The following TRAF5 variants were observed in gnomAD, a reference collection of about 807,000 sequenced individuals.
TRAF5 encodes the protein TNF receptor associated factor 5.
A neutral mutation model predicts 64.5 loss-of-function variants in TRAF5; 48 were observed. That is an observed-to-expected ratio of 0.74 (90% CI 0.59 to 0.95). The LOEUF is 0.95. Ranked by LOEUF, TRAF5 falls within the 40% of genes least tolerant of loss-of-function variation. TRAF5 has a pLI of 0.00. For synonymous variants in TRAF5, 206 were observed against 240.5 expected, an observed-to-expected ratio of 0.86 and a Z score of 1.33; for missense variants, 545 against 662.8, an observed-to-expected ratio of 0.82 and a Z score of 1.95.
At chr1:211,337,909 A>G (rs2102717715) in intron 1 of TRAF5, among the ~76,000 whole-genome samples, 1 of 152,336 alleles carries the variant, frequency 6.6e-6, no homozygotes, top group East Asian at 1.9e-4. Context: ...GGCATAGACT[A>G]AACAGTGGAG....
intron 3 of TRAF5, among the ~76,000 whole-genome samples, chr1:211,355,908 AAC>A (rs1398907793): frequency 1.3e-5 from 2 of 152,242 alleles, no homozygotes; most frequent in African/African-American, 4.8e-5. Context: ...GAAATGTGGC[AAC>A]AGAGATGATC....
intron 1 of TRAF5, among the ~76,000 whole-genome samples, chr1:211,336,848 C>T (rs550607721): frequency 1.3e-5 from 2 of 152,188 alleles, no homozygotes; most frequent in South Asian, 2.1e-4. Flanking sequence ...TTGGTAGAGA[C>T]GGGTTTCACC....
Position 211,369,538 on chromosome 1 carries a change from CA to C in TRAF5, c.878del (p.Lys293SerfsTer30). On this transcript the variant is annotated frameshift_variant, in exon 9 of 11. Transcript: ENST00000261464. LOFTEE classifies it high-confidence loss of function. ...CTATAAAGAAACTTGAAAAGGAGTT[CA>C]AGCAGTTTGCACAGTTGTTTGGCAA... ...ETIKKLEKEF[K>X]QFAQLFGKNG... The C allele has an allele frequency of 6.2e-7, 1 of 1,610,936 alleles. No homozygotes were observed. Among genetic ancestry groups the C allele is most frequent in the Non-Finnish European group, 8.5e-7 (1 of 1,178,872 alleles).
intron 1 of TRAF5, among the ~76,000 whole-genome samples, chr1:211,330,382 T>C (rs1397932740): frequency 6.6e-6 from 1 of 150,706 alleles, no homozygotes; most frequent in East Asian, 1.9e-4. Flanking sequence ...TTTTTTTTTT[T>C]CTCTCAAGGA....
rs369475274 is a variant in TRAF5 at position 211,372,201 on chromosome 1, A to G, written c.1173A>G (p.Glu391=). ...ATAAAGCACAGCTGAGTAAAAATGA[A>G]GAGCGATTTAAACTGCTGGAGGGTA... ...NIHKAQLSKN[E]ERFKLLEGTC... The change falls in exon 11 of 11, where the codon GAA becomes GAG. Residue 391 remains glutamate (E), a synonymous_variant. Coordinates refer to ENST00000261464, the MANE Select transcript of TRAF5 (RefSeq NM_001033910.3). 2.6e-5 allele frequency: 42 copies of G among 1,613,958 alleles called. No homozygotes were observed. The highest frequency in any genetic ancestry group is 3.6e-5 in the Non-Finnish European group (42 of 1,180,014).
intron 1 of TRAF5, among the ~76,000 whole-genome samples, chr1:211,350,492 A>T (rs1380058834): frequency 6.6e-6 from 1 of 152,050 alleles, no homozygotes; most frequent in Non-Finnish European, 1.5e-5. Flanking sequence ...GGGAGGATAC[A>T]GTCTTGAGCC....
intron 1 of TRAF5, among the ~76,000 whole-genome samples, chr1:211,331,033 T>G (rs1702142467): frequency 1.3e-5 from 2 of 152,368 alleles, no homozygotes; most frequent in Non-Finnish European, 2.9e-5. Flanking sequence ...CTTAGACATT[T>G]GTCCGAGGCC....
intron 4 of TRAF5, chr1:211,357,581 C>A (rs1703006991): frequency 6.6e-6 from 1 of 151,900 alleles, no homozygotes; most frequent in Non-Finnish European, 1.5e-5. Context: ...CCCCTCATTC[C>A]TTGTTTCCCA....
chr1:211,369,085 C>G (rs1395745661), intron 8 of TRAF5: 1 of 155,194 alleles, frequency 6.4e-6, no homozygotes, highest in Non-Finnish European at 1.4e-5. Context: ...TCCTCCCCAT[C>G]AGCTTCCCAG....
intron 3 of TRAF5, 134 bp downstream of exon 3, chr1:211,354,601 G>A (rs1702903298): frequency 1.1e-6 from 1 of 877,520 alleles, no homozygotes; most frequent in East Asian, 2.6e-5. Context: ...CTGCTGTGGG[G>A]TCACATCAGA....
Position 211,371,283 on chromosome 1 carries a change from A to G in TRAF5, c.931-19A>G. On this transcript the variant is annotated intron_variant, in intron 9 of 10. Coordinates refer to ENST00000261464, the MANE Select transcript of TRAF5 (RefSeq NM_001033910.3). ...ATTAACTAATTTTTTAAACATGATT[A>G]TCCATTTTGTAATGAAAGGTTTTTG... The G allele has an allele frequency of 6.4e-7, 1 of 1,563,918 alleles. No individual in the cohort carries two copies. The highest frequency in any genetic ancestry group is 8.6e-7 in the Non-Finnish European group (1 of 1,163,494).
At chr1:211,354,226 CTG>C (rs920227869) in intron 2 of TRAF5, among the ~76,000 whole-genome samples, 182 bp from the exon 3 acceptor site, 1 of 152,112 alleles carries the variant, frequency 6.6e-6, no homozygotes, top group African/African-American at 2.4e-5. Context: ...TTCAGGCAAA[CTG>C]AAAGAACAGG....
chr1:211,326,706 T>A, upstream of TRAF5: 1 of 986,044 alleles, frequency 1.0e-6, no homozygotes, highest in Non-Finnish European at 1.2e-6. The surrounding 1 kb of genome is among the most constrained non-coding windows in gnomAD (Gnocchi z 5.0). Context: ...TGGATGACGG[T>A]CTCAGCCTCC....
intron 8 of TRAF5, among the ~76,000 whole-genome samples, chr1:211,367,115 G>A (rs951423092): frequency 6.6e-6 from 1 of 152,094 alleles, no homozygotes; most frequent in Non-Finnish European, 1.5e-5. Flanking sequence ...TTGAGTAGCT[G>A]GGACTATAGG....
chr1:211,342,356 T>A (rs1010699410), intron 1 of TRAF5, among the ~76,000 whole-genome samples: 11 of 152,190 alleles, frequency 7.2e-5, no homozygotes, highest in African/African-American at 1.2e-4. Context: ...CCTACTTTTT[T>A]ATTTTTATGG....
chr1:211,354,732 A>G (rs1702908150), intron 3 of TRAF5, among the ~76,000 whole-genome samples: 3 of 152,002 alleles, frequency 2.0e-5, no homozygotes. Context: ...TCCAGCTAAT[A>G]TATTTCATTA....
chr1:211,369,217 G>A, intron 8 of TRAF5: 1 of 295,910 alleles, frequency 3.4e-6, no homozygotes, highest in Non-Finnish European at 6.2e-6. Context: ...AACCATCATA[G>A]TAGGTTAGGT....
At chr1:211,343,781 C>T (rs956134367) in intron 1 of TRAF5, among the ~76,000 whole-genome samples, 1 of 152,162 alleles carries the variant, frequency 6.6e-6, no homozygotes, top group African/African-American at 2.4e-5. Context: ...TGTGGCCTCA[C>T]AGTGACTCGG....
At chr1:211,354,603 C>T (rs1702903402) in intron 3 of TRAF5, 136 bp downstream of exon 3, 1 of 835,456 alleles carries the variant, frequency 1.2e-6, no homozygotes, top group Non-Finnish European at 1.9e-6. Flanking sequence ...GCTGTGGGGT[C>T]ACATCAGACC....
Sources: allele counts gnomAD v4.1 joint callset (sites outside exome capture counted in the v4.1 genomes callset), GRCh38; gene constraint gnomAD v4.1.1; non-coding constraint Gnocchi (gnomAD v3.1); transcripts MANE v1.5; gene names NCBI Gene and HGNC (gene_info 2026-07-23, HGNC 2026-07-21).